The following MTMR8 variants were observed in gnomAD, a reference collection of about 807,000 sequenced individuals.
MTMR8 encodes the protein phosphatidylinositol-3,5-bisphosphate 3-phosphatase MTMR8.
Under a neutral mutation model 39.3 loss-of-function variants are expected in MTMR8, and 65 were observed. The observed-to-expected ratio is 1.65, with a 90% CI of 1.35 to 2.03. The LOEUF (loss-of-function observed/expected upper bound fraction) is 2.03. Among genes scored for constraint, MTMR8 ranks in the 30% most tolerant of loss-of-function variants. The pLI is 0.00. For synonymous variants in MTMR8, 245 were observed against 185.2 expected (o/e 1.32, Z -2.62); for missense variants, 777 against 538.9 (o/e 1.44, Z -4.37).
chrX:64,346,131 A>G (rs1438922278), intron 6 of MTMR8, among the ~76,000 whole-genome samples: 1 of 111,484 alleles, frequency 9.0e-6, no homozygotes, highest in African/African-American at 3.3e-5. Flanking sequence ...AATAACCAGA[A>G]GGCAGCCAAG....
chrX:64,294,303 G>A (rs926993773), intron 12 of MTMR8, among the ~76,000 whole-genome samples: 5 of 111,641 alleles, frequency 4.5e-5, no homozygotes, highest in Admixed American at 9.6e-5. Context: ...TATTTTGTAG[G>A]AGAGTTAATC....
At chrX:64,304,036 C>A (rs1057231678) in intron 12 of MTMR8, among the ~76,000 whole-genome samples, 1 of 111,802 alleles carries the variant, frequency 8.9e-6, no homozygotes, top group Non-Finnish European at 1.9e-5. Flanking sequence ...AAAATCTACA[C>A]AAATTAGCTT....
At chrX:64,329,021 C>G in intron 11 of MTMR8, 121 bp from the exon 12 acceptor site, 2 of 576,020 alleles carry the variant, frequency 3.5e-6, no homozygotes, top group South Asian at 9.6e-5. Context: ...GAAAGGACGA[C>G]AGGATATGAC....
chrX:64,305,824 C>T (rs1033237411), intron 12 of MTMR8: 2 of 334,676 alleles, frequency 6.0e-6, no homozygotes, highest in African/African-American at 2.6e-5. Flanking sequence ...CATAAATTGG[C>T]CATAACCCAG....
chrX:64,316,380 C>T (rs1222504870), intron 12 of MTMR8, among the ~76,000 whole-genome samples: 1 of 112,303 alleles, frequency 8.9e-6, no homozygotes, highest in Non-Finnish European at 1.9e-5. Flanking sequence ...GATGCAGTGG[C>T]TCACACCTGT....
Position 64,388,677 on chromosome X carries a change from AG to A in MTMR8, c.24+6662del, listed in dbSNP as rs1924622121. ...TCCAGATTGATACCAGCATTTCTTAAGGCATGTTCTATGAATCCTAGTTCCA... is the reference window on the plus strand; with the variant it reads ...TCCAGATTGATACCAGCATTTCTTAAGCATGTTCTATGAATCCTAGTTCCA... On this transcript the variant is annotated intron_variant, in intron 1 of 13. Transcript: ENST00000374852. Among the ~76,000 whole-genome samples, 3 of 112,389 alleles carry A rather than the reference AG, an allele frequency of 2.7e-5. No individual in the cohort carries two copies. In the Admixed American group the frequency reaches 2.8e-4, roughly 11 times the overall value.
rs1163358612 is a variant in MTMR8 at position 64,331,006 on chromosome X, G to A, written c.1352+551C>T. On this transcript the variant is annotated intron_variant, in intron 11 of 13. Transcript: ENST00000374852. ...TGAGGGATAAAAGACTACAAATTGG[G>A]TTCAGTGTATACTGCTCAGGAGATG... 2.7e-5 allele frequency among the ~76,000 whole-genome samples: 3 copies of A among 111,569 alleles called. No homozygotes were observed. The East Asian group carries it at 8.4e-4, about 31-fold the overall frequency.
chrX:64,363,639 G>A (rs5964771), intron 1 of MTMR8, among the ~76,000 whole-genome samples: 8 of 111,839 alleles, frequency 7.2e-5, no homozygotes, highest in African/African-American at 2.6e-4. Context: ...TGGCCGAATA[G>A]GAACAGCTAC....
rs772823883 is a variant in MTMR8, at chrX:64,354,761, A to C, written c.468+16T>G. 2 of 1,159,620 alleles carry C rather than the reference A, an allele frequency of 1.7e-6. No individual in the cohort carries two copies. The highest frequency in any genetic ancestry group is 2.3e-6 in the Non-Finnish European group (2 of 871,330). ...AATTAAATGCACCAAAAGGCAAACA[A>C]CAAGGACAAAATTACCTCATAGTTT... On this transcript the variant is annotated intron_variant, in intron 4 of 13. Coordinates refer to ENST00000374852, the MANE Select transcript of MTMR8 (RefSeq NM_017677.4).
intron 12 of MTMR8, among the ~76,000 whole-genome samples, chrX:64,314,660 G>A (rs1338340148): frequency 5.3e-5 from 6 of 112,892 alleles, no homozygotes; most frequent in Admixed American, 9.3e-5. Context: ...GCACAGCATG[G>A]TTCAGTGCAT....
At chrX:64,321,110 C>T (rs1423159742) in intron 12 of MTMR8, among the ~76,000 whole-genome samples, 2 of 111,228 alleles carry the variant, frequency 1.8e-5, no homozygotes, top group Non-Finnish European at 3.8e-5. Context: ...ATTTCTACCA[C>T]ATTATAATAT....
intron 12 of MTMR8, among the ~76,000 whole-genome samples, chrX:64,298,454 C>T (rs1274143982): frequency 2.3e-5 from 2 of 85,128 alleles, no homozygotes; most frequent in African/African-American, 6.0e-5. Flanking sequence ...GCTGAAGTTG[C>T]TTATCAGCTT....
chrX:64,339,854 G>T (rs1189257411), intron 8 of MTMR8, among the ~76,000 whole-genome samples: 1 of 110,643 alleles, frequency 9.0e-6, no homozygotes, highest in Non-Finnish European at 1.9e-5. Flanking sequence ...TTCCATGAAG[G>T]ACATGTTTCA....
intron 2 of MTMR8, among the ~76,000 whole-genome samples, chrX:64,358,903 C>G (rs1416021099): frequency 9.3e-6 from 1 of 107,751 alleles, no homozygotes; most frequent in Admixed American, 9.8e-5. Context: ...AGGTAAAATC[C>G]TGTCTTAGGA....
intron 12 of MTMR8, among the ~76,000 whole-genome samples, chrX:64,296,573 GTTTT>G (rs59765267): frequency 6.6e-5 from 6 of 90,936 alleles, no homozygotes; most frequent in Admixed American, 3.6e-4. Flanking sequence ...CCCTATGCTG[GTTTT>G]TTTTTTTTTT....
At chrX:64,327,265 G>C (rs1251761057) in intron 12 of MTMR8, among the ~76,000 whole-genome samples, 1 of 111,775 alleles carries the variant, frequency 8.9e-6, no homozygotes, top group Admixed American at 9.5e-5. Flanking sequence ...CAGAATGGAA[G>C]AAAATATTTG....
At chrX:64,307,649 T>C (rs1287866005) in intron 12 of MTMR8, among the ~76,000 whole-genome samples, 1 of 111,754 alleles carries the variant, frequency 8.9e-6, no homozygotes, top group Non-Finnish European at 1.9e-5. Flanking sequence ...ACCTTATACT[T>C]CTTTGTCAAA....
chrX:64,271,025 C>T lies in MTMR8; in HGVS notation c.1530G>A (p.Lys510=). The part of the protein sequence containing the change: ...YNRFDKGLQP[K]QSMLESLLEI... ...CCAGGAGGCTCTCTAGCATACTCTG[C>T]TTGGGCTGCAGCCCTTTGTCAAAGC... is the stretch of plus-strand genomic sequence containing the variant. The change falls in exon 13 of 14, where the codon AAG becomes AAA. Residue 510 remains lysine (K), a synonymous_variant. Transcript: ENST00000374852. 8.3e-7 allele frequency: 1 copy of T among 1,209,403 alleles called. No homozygotes were observed. Among genetic ancestry groups the T allele is most frequent in the Non-Finnish European group, 1.1e-6 (1 of 894,327 alleles).
chrX:64,301,248 C>T (rs1252763120), intron 12 of MTMR8, among the ~76,000 whole-genome samples: 1 of 107,564 alleles, frequency 9.3e-6, no homozygotes, highest in Non-Finnish European at 1.9e-5. Flanking sequence ...TCACATAGTC[C>T]CATATTTCTT....
Sources: gnomAD v4.1 joint callset for allele counts (sites outside exome capture counted in the v4.1 genomes callset) on GRCh38, gnomAD v4.1.1 for gene constraint, MANE v1.5 for transcripts, NCBI Gene and HGNC (gene_info 2026-07-23, HGNC 2026-07-21) for gene names.